The following ELP2 variants were observed in gnomAD, a reference collection of about 807,000 sequenced individuals.
ELP2 encodes elongator acetyltransferase complex subunit 2, also known as elongator complex protein 2.
ELP2 carries 90 observed loss-of-function variants against 119.2 expected under a neutral mutation model. The ratio of observed to expected loss-of-function variants is 0.75; its 90% CI spans 0.64 to 0.90. The LOEUF is 0.90. Ranked by LOEUF, ELP2 falls within the 40% of genes least tolerant of loss-of-function variation. ELP2 has a pLI of 0.00. For synonymous variants in ELP2, 339 were observed against 331.0 expected, an observed-to-expected ratio of 1.02 and a Z score of -0.26; for missense variants, 921 against 967.8, an observed-to-expected ratio of 0.95 and a Z score of 0.64.
chr18:36,133,151 C>G (rs1473231959), intron 1 of ELP2, 87 bp from the exon 2 acceptor site: 7 of 928,126 alleles, frequency 7.5e-6, no homozygotes, highest in Non-Finnish European at 1.2e-5. Context: ...TTACTAGCAT[C>G]GAAAACACTG....
chr18:36,137,803 C>CAAAAAAAAAAAAA (rs57722627), intron 3 of ELP2, among the ~76,000 whole-genome samples: 1 of 103,696 alleles, frequency 9.6e-6, no homozygotes, highest in Non-Finnish European at 1.9e-5. Context: ...ATATTATCAC[C>CAAAAAAAAAAAAA]AAAAAAAAAA....
chr18:36,137,803 CAA>C (rs57722627), intron 3 of ELP2, among the ~76,000 whole-genome samples: 6,835 of 103,480 alleles, frequency 0.066, 192 homozygotes, highest in East Asian at 0.11. Context: ...ATATTATCAC[CAA>C]AAAAAAAAAA....
chr18:36,138,938 C>T, intron 5 of ELP2, 66 bp downstream of exon 5: 2 of 1,217,968 alleles, frequency 1.6e-6, no homozygotes, highest in East Asian at 2.3e-5. Context: ...TGATTAGAAC[C>T]TAAAAGAAAT....
At chr18:36,143,458 G>A (rs2090104448) in intron 8 of ELP2, among the ~76,000 whole-genome samples, 1 of 129,498 alleles carries the variant, frequency 7.7e-6, no homozygotes, top group Non-Finnish European at 1.6e-5. Flanking sequence ...TCTTACCCAG[G>A]TTGGAGTGCA....
chr18:36,147,792 A>AG (rs1189145608), intron 11 of ELP2, among the ~76,000 whole-genome samples: 1 of 152,212 alleles, frequency 6.6e-6, no homozygotes, highest in East Asian at 1.9e-4. Flanking sequence ...GGCCTGGCAC[A>AG]TACTGGATGC....
In ELP2 at chr18:36,142,918, G is replaced by T; in HGVS notation, c.748G>T (p.Asp250Tyr). The T allele has an allele frequency of 6.3e-7, 1 of 1,597,384 alleles. No individual in the cohort carries two copies. The highest frequency in any genetic ancestry group is 1.1e-5 in the South Asian group (1 of 89,034). Residue 250 changes from aspartate (D) to tyrosine (Y), a missense_variant, in exon 8 of 22, where the codon GAC (aspartate) becomes TAC (tyrosine). By Grantham distance (160) the Asp-to-Tyr change is radical. Coordinates refer to ENST00000358232, the MANE Select transcript of ELP2 (RefSeq NM_018255.4). ...GTCAACATCTTTAGAAACTCAGGAT[G>T]ACGATAACATAAGACTGAAAGAAAA... ...IKSTSLETQDDDNIRLKENTF... is the reference protein window; with the variant it reads ...IKSTSLETQDYDNIRLKENTF...
intron 21 of ELP2, among the ~76,000 whole-genome samples, 153 bp from the exon 22 acceptor site, chr18:36,174,332 T>C (rs1045232500): frequency 3.9e-5 from 6 of 152,244 alleles, no homozygotes; most frequent in Admixed American, 2.0e-4. Context: ...TAAGTAAATA[T>C]AGTAAAATAT....
At chr18:36,136,613 A>G (rs2089835614) in intron 3 of ELP2, 2 of 506,876 alleles carry the variant, frequency 3.9e-6, no homozygotes, top group Non-Finnish European at 7.0e-6. Context: ...CTGGTCTCAG[A>G]AATGACTTTT....
chr18:36,130,002 C>G lies in ELP2; in HGVS notation c.69C>G (p.Asn23Lys), dbSNP rs982741680. ...CAAACCGGGTGCGGGGAGTCCTGAACTGGAGCTCTGGGCCCAGAGGACTTC... is the reference window on the plus strand; with the variant it reads ...CAAACCGGGTGCGGGGAGTCCTGAAGTGGAGCTCTGGGCCCAGAGGACTTC... ...CCPNRVRGVLNWSSGPRGLLA... is the reference protein window; with the variant it reads ...CCPNRVRGVLKWSSGPRGLLA... Residue 23 changes from asparagine to lysine, a missense_variant, in exon 1 of 22, where the codon AAC becomes AAG. Coordinates refer to ENST00000358232, the MANE Select transcript of ELP2 (RefSeq NM_018255.4). 4.3e-6 allele frequency: 7 copies of G among 1,614,098 alleles called. No homozygotes were observed. The highest frequency in any genetic ancestry group is 1.3e-5 in the African/African-American group (1 of 74,914).
chr18:36,166,580 C>T (rs2144789100), intron 18 of ELP2, among the ~76,000 whole-genome samples: 1 of 152,142 alleles, frequency 6.6e-6, no homozygotes, highest in African/African-American at 2.4e-5. Context: ...GATCCACCCG[C>T]CTCTGCCTCC....
chr18:36,145,867 A>G (rs966679766), intron 9 of ELP2, 81 bp from the exon 10 acceptor site: 16 of 1,136,184 alleles, frequency 1.4e-5, no homozygotes, highest in Non-Finnish European at 1.9e-5. Context: ...TGCAGTACCC[A>G]TGTTGTTTGT....
intron 4 of ELP2, 123 bp downstream of exon 4, chr18:36,138,549 A>C (rs2089913552): frequency 3.4e-6 from 4 of 1,163,110 alleles, no homozygotes; most frequent in Non-Finnish European, 2.4e-6. Flanking sequence ...CTATAATTCT[A>C]ATCTAAATTT....
At chr18:36,144,857 A>C in intron 8 of ELP2, 82 bp from the exon 9 acceptor site, 1 of 1,168,170 alleles carries the variant, frequency 8.6e-7, no homozygotes, top group East Asian at 2.4e-5. Context: ...TTTCTTACAT[A>C]ATTGCCCAAC....
At position 36,168,913 on chromosome 18, in the gene ELP2, CTTTTTTTTTTTTTTTTT is replaced by C. The variant is rs61459855; in HGVS notation, c.2077-1138_2077-1122del. Among the ~76,000 whole-genome samples, 8 of 69,258 alleles carry C rather than the reference CTTTTTTTTTTTTTTTTT, an allele frequency of 1.2e-4. No homozygotes were observed. In the East Asian group the frequency reaches 2.1e-3, roughly 18 times the overall value. 45.4% of individuals were successfully genotyped at this position (69,258 alleles called of 152,430 possible). On this transcript the variant is annotated intron_variant, in intron 19 of 21. Transcript: ENST00000358232. The stretch of plus-strand genomic sequence containing the variant: ...GTCCACTTCACTTCTCTCTCCATTT[CTTTTTTTTTTTTTTTTT>C]TTTTTTTTTTTGAGATGGAGTTTCG...
chr18:36,131,030 T>A (rs1598725438), intron 1 of ELP2, among the ~76,000 whole-genome samples: 1 of 150,622 alleles, frequency 6.6e-6, no homozygotes, highest in South Asian at 2.1e-4. Flanking sequence ...AAAAAATAGC[T>A]GGTTGTGGTG....
chr18:36,164,727 A>G, intron 18 of ELP2, 60 bp downstream of exon 18: 1 of 1,502,750 alleles, frequency 6.7e-7, no homozygotes, highest in Non-Finnish European at 9.2e-7. Context: ...TTTTATCTAC[A>G]TTAAGCAGCT....
chr18:36,131,454 C>T (rs1406185683), intron 1 of ELP2, among the ~76,000 whole-genome samples: 1 of 152,246 alleles, frequency 6.6e-6, no homozygotes, highest in Non-Finnish European at 1.5e-5. Context: ...TGCGGCATTG[C>T]GGCACCGTTC....
In ELP2 at chr18:36,164,470, TA is replaced by T; in HGVS notation, c.1762-4del. ...TAGCTTCATTGTTTCATCTCTGTCC[TA>T]TAGGCAGCTAAGAAAGAGCATGCAG... On this transcript the variant is annotated splice_polypyrimidine_tract_variant and splice_region_variant and intron_variant, in intron 17 of 21. Coordinates refer to ENST00000358232, the MANE Select transcript of ELP2 (RefSeq NM_018255.4). The T allele has an allele frequency of 1.2e-6, 2 of 1,613,380 alleles. No homozygotes were observed. The highest frequency in any genetic ancestry group is 8.5e-7 in the Non-Finnish European group (1 of 1,179,318).
chr18:36,131,729 G>C (rs1221802991), intron 1 of ELP2, among the ~76,000 whole-genome samples: 1 of 152,154 alleles, frequency 6.6e-6, no homozygotes, highest in Admixed American at 6.5e-5. Context: ...CTCATGCTTT[G>C]ATGTACTTAA....
Sources: gnomAD v4.1 joint callset for allele counts (sites outside exome capture counted in the v4.1 genomes callset) on GRCh38, gnomAD v4.1.1 for gene constraint, MANE v1.5 for transcripts, NCBI Gene and HGNC (gene_info 2026-07-23, HGNC 2026-07-21) for gene names.